CTNND2: variants seen among roughly 807,000 people sequenced by gnomAD.
CTNND2 encodes catenin delta 2.
A neutral mutation model predicts 144.4 loss-of-function variants in CTNND2; 22 were observed. That is an observed-to-expected ratio of 0.15 (90% CI 0.11 to 0.22). The LOEUF is 0.22. Ranked by LOEUF, CTNND2 falls within the 10% of genes least tolerant of loss-of-function variation. The pLI is 1.00. For synonymous variants in CTNND2, 751 were observed against 695.6 expected (o/e 1.08, Z -1.25); for missense variants, 1,353 against 1,618.8 (o/e 0.84, Z 2.82).
intron 1 of CTNND2, among the ~76,000 whole-genome samples, chr5:11,884,785 T>C (rs1252691978): frequency 1.3e-5 from 2 of 152,208 alleles, no homozygotes; most frequent in Admixed American, 6.5e-5. Context: ...ACTATGATGT[T>C]AGCTGTGGGT....
At chr5:11,344,249 G>A (rs1041760262) in intron 9 of CTNND2, among the ~76,000 whole-genome samples, 13 of 152,116 alleles carry the variant, frequency 8.5e-5, no homozygotes, top group African/African-American at 2.7e-4. Flanking sequence ...AAAATTAGCC[G>A]GGCGCGGTGG....
chr5:11,137,008 C>A (rs1410095945), intron 12 of CTNND2, among the ~76,000 whole-genome samples: 2 of 152,208 alleles, frequency 1.3e-5, no homozygotes, highest in Non-Finnish European at 2.9e-5. Context: ...CTCCTTCCTG[C>A]AAAGCCCATG....
intron 9 of CTNND2, 72 bp from the exon 10 acceptor site, chr5:11,236,895 C>CGTGTATGAAA (rs1228421473): frequency 2.0e-6 from 3 of 1,527,060 alleles, no homozygotes; most frequent in Admixed American, 1.7e-5. Context: ...ATGGTTAGCT[C>CGTGTATGAAA]GTGTATGAAA....
intron 9 of CTNND2, among the ~76,000 whole-genome samples, chr5:11,268,109 G>C (rs982837806): frequency 8.5e-5 from 13 of 152,376 alleles, no homozygotes; most frequent in Middle Eastern, 3.4e-3. Flanking sequence ...AGAGATGCTA[G>C]ACACCAGCAT....
chr5:11,200,063 C>A lies in CTNND2; in HGVS notation c.1762-402G>T, dbSNP rs181769495. On this transcript the variant is annotated intron_variant, in intron 10 of 21. Coordinates refer to ENST00000304623, the MANE Select transcript of CTNND2 (RefSeq NM_001332.4). ...GTCTTAAAGGGCTGCAGGAATGATA[C>A]ACAAAATGTTAAAATTATGCTTAAT... is the stretch of plus-strand genomic sequence containing the variant. 8.6e-3 allele frequency among the ~76,000 whole-genome samples: 1,307 copies of A among 152,252 alleles called. 17 individuals carry two copies. Among genetic ancestry groups the A allele is most frequent in the South Asian group, 0.055 (267 of 4,814 alleles).
intron 9 of CTNND2, among the ~76,000 whole-genome samples, chr5:11,306,057 C>T (rs955819934): frequency 1.3e-5 from 2 of 152,158 alleles, no homozygotes; most frequent in Admixed American, 1.3e-4. Context: ...TTAAATGTAA[C>T]AGGAAGACAG....
chr5:11,748,803 T>C (rs1788454394), intron 1 of CTNND2, among the ~76,000 whole-genome samples: 1 of 152,074 alleles, frequency 6.6e-6, no homozygotes, highest in South Asian at 2.1e-4. Flanking sequence ...TGTCCACAGG[T>C]TCTTTCATAC....
chr5:11,355,785 A>G (rs527504171), intron 8 of CTNND2, among the ~76,000 whole-genome samples: 4 of 152,242 alleles, frequency 2.6e-5, no homozygotes, highest in Admixed American at 6.5e-5. Context: ...GGGCAGCCCT[A>G]AAGACTCCAC....
intron 7 of CTNND2, among the ~76,000 whole-genome samples, chr5:11,367,415 A>G (rs1222386212): frequency 6.6e-6 from 1 of 152,262 alleles, no homozygotes; most frequent in Non-Finnish European, 1.5e-5. Context: ...ATTTGGGGCA[A>G]TTTCAAGAAA....
At chr5:11,170,382 A>T (rs1481236586) in intron 11 of CTNND2, among the ~76,000 whole-genome samples, 1 of 152,224 alleles carries the variant, frequency 6.6e-6, no homozygotes, top group African/African-American at 2.4e-5. Context: ...ATTCAGTTTT[A>T]TATGTTTTTA....
At chr5:11,150,045 C>T (rs1757599525) in intron 12 of CTNND2, among the ~76,000 whole-genome samples, 1 of 152,180 alleles carries the variant, frequency 6.6e-6, no homozygotes, top group Non-Finnish European at 1.5e-5. Context: ...CAATGAAGAT[C>T]CCATCCCAGA....
At chr5:11,675,596 T>G (rs1447419209) in intron 2 of CTNND2, among the ~76,000 whole-genome samples, 1 of 152,058 alleles carries the variant, frequency 6.6e-6, no homozygotes, top group African/African-American at 2.4e-5. Flanking sequence ...CGTTCACCAG[T>G]CCTTAAAAAT....
chr5:11,236,195 T>C lies in CTNND2; in HGVS notation c.1761+496A>G, dbSNP rs149960459. ...ATCCACATTTAATCCATTATTCGTT[T>C]GTAAATAGCACCAAACACTTGGTTA... On this transcript the variant is annotated intron_variant, in intron 10 of 21. Transcript: ENST00000304623. 5.5e-3 allele frequency among the ~76,000 whole-genome samples: 835 copies of C among 152,374 alleles called. 8 individuals carry two copies. Among genetic ancestry groups the C allele is most frequent in the Non-Finnish European group, 6.4e-3 (437 of 68,040 alleles).
rs936808428 is a variant in CTNND2, at chr5:11,832,793, T to C, written c.37+71024A>G. 1.2e-4 allele frequency among the ~76,000 whole-genome samples: 18 copies of C among 151,808 alleles called. 1 individual carries two copies. Among genetic ancestry groups the C allele is most frequent in the South Asian group, 8.3e-4 (4 of 4,816 alleles). ...TTATCTCTACAAAAAATAGGAAAATTAGTGGGTCATGGTGGTGTATGCCTG... is the reference window on the plus strand; with the variant it reads ...TTATCTCTACAAAAAATAGGAAAATCAGTGGGTCATGGTGGTGTATGCCTG... On this transcript the variant is annotated intron_variant, in intron 1 of 21. Transcript: ENST00000304623.
At chr5:11,729,806 A>G (rs1294879062) in intron 2 of CTNND2, among the ~76,000 whole-genome samples, 1 of 152,198 alleles carries the variant, frequency 6.6e-6, no homozygotes, top group Non-Finnish European at 1.5e-5. Context: ...GGAGTGAAAA[A>G]GAATGTGGAT....
intron 2 of CTNND2, among the ~76,000 whole-genome samples, chr5:11,662,583 C>T (rs1783332122): frequency 6.6e-6 from 1 of 152,040 alleles, no homozygotes; most frequent in African/African-American, 2.4e-5. Flanking sequence ...GTCTGTCTTT[C>T]CCAGCCCACT....
At chr5:11,356,692 C>T (rs976755040) in intron 8 of CTNND2, among the ~76,000 whole-genome samples, 9 of 151,580 alleles carry the variant, frequency 5.9e-5, no homozygotes, top group African/African-American at 9.7e-5. Flanking sequence ...CAAAAATAGA[C>T]GAATTAATAC....
intron 12 of CTNND2, among the ~76,000 whole-genome samples, chr5:11,146,469 G>A (rs1757254633): frequency 6.6e-6 from 1 of 152,158 alleles, no homozygotes; most frequent in African/African-American, 2.4e-5. Flanking sequence ...AGGGTAAACT[G>A]CTAAACCTCT....
At chr5:11,125,165 C>A (rs75514838) in intron 12 of CTNND2, among the ~76,000 whole-genome samples, 20,365 of 152,070 alleles carry the variant, frequency 0.13, 2,225 homozygotes, top group East Asian at 0.45. Context: ...CTTCGCCCAG[C>A]CACTGGGTCT....
Sources: allele counts gnomAD v4.1 joint callset (sites outside exome capture counted in the v4.1 genomes callset), GRCh38; gene constraint gnomAD v4.1.1; transcripts MANE v1.5; gene names NCBI Gene and HGNC (gene_info 2026-07-23, HGNC 2026-07-21).